The following XRCC6 variants were observed in gnomAD, a reference collection of about 807,000 sequenced individuals.
XRCC6 encodes the protein DNA repair protein Ku70.
A neutral mutation model predicts 65.7 loss-of-function variants in XRCC6; 5 were observed. That is an observed-to-expected ratio of 0.08 (90% CI 0.04 to 0.16). XRCC6 has a LOEUF of 0.16. XRCC6 is among the 10% of genes least tolerant of loss of function. The probability of loss-of-function intolerance (pLI) is 1.00; values close to 1 mark genes in which losing one functional copy is unlikely to be tolerated. For synonymous variants in XRCC6, 270 were observed against 270.6 expected (o/e 1.00, Z 0.02); for missense variants, 447 against 738.1 (o/e 0.61, Z 4.57).
chr22:41,637,078 ATTT>A (rs35433922), intron 5 of XRCC6, among the ~76,000 whole-genome samples: 38 of 88,686 alleles, frequency 4.3e-4, no homozygotes, highest in African/African-American at 1.3e-3. Flanking sequence ...GATTGTCTTG[ATTT>A]TTTTTTTTTT....
At chr22:41,639,851 G>A (rs1339705656) in intron 6 of XRCC6, among the ~76,000 whole-genome samples, 1 of 149,836 alleles carries the variant, frequency 6.7e-6, no homozygotes, top group Non-Finnish European at 1.5e-5. Context: ...TAGTAGAGAC[G>A]GTTTCACCGT....
intron 11 of XRCC6, among the ~76,000 whole-genome samples, chr22:41,659,883 A>C (rs1043753708): frequency 1.3e-5 from 2 of 151,274 alleles, no homozygotes; most frequent in Admixed American, 1.3e-4. Flanking sequence ...ATGGGGGTTC[A>C]CCATATTGGC....
chr22:41,650,215 C>T (rs1267841164), intron 7 of XRCC6, among the ~76,000 whole-genome samples: 1 of 151,886 alleles, frequency 6.6e-6, no homozygotes, highest in African/African-American at 2.4e-5. Flanking sequence ...AGCGATCCTC[C>T]AGTCTCAGCC....
chr22:41,637,317 T>G (rs28384730), intron 5 of XRCC6, among the ~76,000 whole-genome samples: 2 of 152,112 alleles, frequency 1.3e-5, no homozygotes, highest in African/African-American at 4.8e-5. Context: ...ACTCTGGACC[T>G]CAGATGATCC....
chr22:41,627,346 C>G (rs956029271), intron 2 of XRCC6, among the ~76,000 whole-genome samples: 1 of 151,956 alleles, frequency 6.6e-6, no homozygotes, highest in Non-Finnish European at 1.5e-5. Flanking sequence ...TGCGGTGGCT[C>G]ACGTCTATAA....
At chr22:41,628,965 C>A (rs979729611) in intron 3 of XRCC6, among the ~76,000 whole-genome samples, 468 of 62,678 alleles carry the variant, frequency 7.5e-3, no homozygotes, top group Middle Eastern at 0.023. Flanking sequence ...GACTCTGTCT[C>A]AAAAAAAAAA....
At chr22:41,660,952 T>C (rs56158009) in intron 11 of XRCC6, among the ~76,000 whole-genome samples, 2,857 of 151,896 alleles carry the variant, frequency 0.019, 92 homozygotes, top group African/African-American at 0.065. Flanking sequence ...GAGAATCGCT[T>C]GAACCAGGGA....
chr22:41,640,093 C>T (rs987970446), intron 6 of XRCC6, among the ~76,000 whole-genome samples: 6 of 151,838 alleles, frequency 4.0e-5, no homozygotes, highest in African/African-American at 1.5e-4. Context: ...ACAATGGCAC[C>T]ACAGCCTACA....
chr22:41,632,903 C>T (rs1351807427), intron 3 of XRCC6, among the ~76,000 whole-genome samples: 1 of 150,746 alleles, frequency 6.6e-6, no homozygotes, highest in African/African-American at 2.4e-5. Context: ...CCGAGGTGGG[C>T]GGATCACGAG....
intron 6 of XRCC6, 23 bp downstream of exon 6, chr22:41,637,814 C>T: frequency 6.2e-7 from 1 of 1,606,572 alleles, no homozygotes; most frequent in Non-Finnish European, 8.5e-7. Flanking sequence ...CCCGGGTCAG[C>T]TGCCTACACT....
chr22:41,627,850 G>T (rs1183467109), intron 2 of XRCC6, among the ~76,000 whole-genome samples: 3 of 152,070 alleles, frequency 2.0e-5, no homozygotes, highest in Non-Finnish European at 4.4e-5. Flanking sequence ...CTCCAGCCTG[G>T]GTGATGGGAG....
chr22:41,643,794 C>G (rs2067903305), intron 6 of XRCC6, among the ~76,000 whole-genome samples: 1 of 149,334 alleles, frequency 6.7e-6, no homozygotes, highest in African/African-American at 2.5e-5. Context: ...GCACTCCACC[C>G]TAGGCGACAG....
At chr22:41,651,361 ATTTTTTT>A (rs764795746) in intron 8 of XRCC6, among the ~76,000 whole-genome samples, 1 of 49,756 alleles carries the variant, frequency 2.0e-5, no homozygotes, top group African/African-American at 6.2e-5. Context: ...AGTTAAACAG[ATTTTTTT>A]TTTTTTTTTT....
intron 2 of XRCC6, among the ~76,000 whole-genome samples, chr22:41,623,774 G>T (rs995257327): frequency 5.3e-5 from 8 of 152,098 alleles, no homozygotes; most frequent in Non-Finnish European, 1.0e-4. Context: ...AGGCTGGAGT[G>T]CACTGACTCA....
rs912566256 is a variant in XRCC6, at chr22:41,622,145, A to G, written c.82+59A>G. The G allele has an allele frequency of 1.9e-5, 30 of 1,562,734 alleles. No homozygotes were observed. The East Asian group carries it at 4.5e-4, about 23-fold the overall frequency. ...TGTGGAAGAAAGACCTTCCCTGCCTATCTCTGCTGGATGGACTTTGCTGTT... is the reference window on the plus strand; with the variant it reads ...TGTGGAAGAAAGACCTTCCCTGCCTGTCTCTGCTGGATGGACTTTGCTGTT... On this transcript the variant is annotated intron_variant, in intron 2 of 12. Coordinates refer to ENST00000360079, the MANE Select transcript of XRCC6 (RefSeq NM_001469.5).
intron 10 of XRCC6, 37 bp from the exon 11 acceptor site, chr22:41,658,215 G>A (rs1400132956): frequency 3.1e-6 from 5 of 1,600,678 alleles, no homozygotes; most frequent in East Asian, 2.2e-5. Flanking sequence ...TGTTTAAATT[G>A]TCATGTTTCA....
chr22:41,651,716 C>T (rs933271589), intron 8 of XRCC6, among the ~76,000 whole-genome samples: 2 of 151,316 alleles, frequency 1.3e-5, no homozygotes, highest in South Asian at 4.2e-4. Flanking sequence ...TTAGTAGAGA[C>T]GAGGTTTCAC....
chr22:41,650,904 G>A lies in XRCC6; in HGVS notation c.1129+13G>A. 1 of 1,613,908 alleles carries A rather than the reference G, an allele frequency of 6.2e-7. No homozygotes were observed. The highest frequency in any genetic ancestry group is 1.1e-5 in the South Asian group (1 of 91,044). ...TCGCTGGTGATTGGTAAGTAGCGTGGACCATGGATGAGTGACTCTAACACA... is the reference window on the plus strand; with the variant it reads ...TCGCTGGTGATTGGTAAGTAGCGTGAACCATGGATGAGTGACTCTAACACA... On this transcript the variant is annotated intron_variant, in intron 8 of 12. Transcript: ENST00000360079.
At chr22:41,621,747 C>T in intron 1 of XRCC6, 4 of 494,734 alleles carry the variant, frequency 8.1e-6, no homozygotes, top group Non-Finnish European at 1.4e-5. Context: ...CCTCCGGGAT[C>T]TGGCTTCCGC....
Sources: gnomAD v4.1 joint callset for allele counts (sites outside exome capture counted in the v4.1 genomes callset) on GRCh38, gnomAD v4.1.1 for gene constraint, MANE v1.5 for transcripts, NCBI Gene and HGNC (gene_info 2026-07-23, HGNC 2026-07-21) for gene names.